PRKAR1A: variants seen among roughly 807,000 people sequenced by gnomAD.
PRKAR1A encodes protein kinase cAMP-dependent type I regulatory subunit alpha.
A neutral mutation model predicts 52.0 loss-of-function variants in PRKAR1A; 3 were observed. The ratio of observed to expected loss-of-function variants is 0.06; its 90% confidence interval spans 0.03 to 0.15. The LOEUF (loss-of-function observed/expected upper bound fraction) is 0.15, where lower values mean the gene tolerates loss of function less well. Ranked by LOEUF, PRKAR1A falls within the 10% of genes least tolerant of loss-of-function variation. The probability of loss-of-function intolerance (pLI) is 1.00; values close to 1 mark genes in which losing one functional copy is unlikely to be tolerated. For missense variants in PRKAR1A, 240 were observed against 477.4 expected (o/e 0.50, Z 4.63); for synonymous variants, 188 against 168.4 (o/e 1.12, Z -0.90).
chr17:68,531,486 C>A lies in PRKAR1A; in HGVS notation c.*1037C>A. The stretch of plus-strand genomic sequence containing the variant: ...GGAGAAATGCCAGGCGGACAAAGTT[C>A]AGTGTCGGGAATTTTCCCCGTGACA... On this transcript the variant is annotated 3_prime_UTR_variant, in exon 11 of 11. Transcript: ENST00000589228. 1 of 1,066,322 alleles carries A rather than the reference C, an allele frequency of 9.4e-7. No individual in the cohort carries two copies. The highest frequency in any genetic ancestry group is 1.1e-6 in the Non-Finnish European group (1 of 879,650). The allele number at this position is 1,066,322 out of a possible 1,614,324, so 66.1% of individuals were successfully genotyped here.
chr17:68,450,066 T>C, the PRKAR1A span, among the ~76,000 whole-genome samples: 1 of 152,158 alleles, frequency 6.6e-6, no homozygotes, highest in Non-Finnish European at 1.5e-5. Flanking sequence ...GGAAATCTGC[T>C]AACACCCCCA....
At chr17:68,492,910 C>T in the PRKAR1A span, among the ~76,000 whole-genome samples, 1 of 152,140 alleles carries the variant, frequency 6.6e-6, no homozygotes, top group Non-Finnish European at 1.5e-5. Flanking sequence ...TCCAGTCTGT[C>T]ATTGATGGAC....
the PRKAR1A span, among the ~76,000 whole-genome samples, chr17:68,437,016 A>ATGTGTG: frequency 0.012 from 1,681 of 144,636 alleles, 35 homozygotes; most frequent in African/African-American, 0.037. Flanking sequence ...ATATATATAT[A>ATGTGTG]TGTGTGTGTG....
the PRKAR1A span, among the ~76,000 whole-genome samples, chr17:68,489,388 T>C: frequency 9.9e-5 from 3 of 30,170 alleles, no homozygotes; most frequent in Admixed American, 5.0e-4. Context: ...GGAAAGTATA[T>C]ATATATATGG....
intron 1 of PRKAR1A, among the ~76,000 whole-genome samples, chr17:68,514,357 G>A (rs1219726938): frequency 1.3e-5 from 2 of 152,190 alleles, no homozygotes; most frequent in East Asian, 3.8e-4. Context: ...TTCAGTTGCT[G>A]AGTGGAGGGG....
upstream of PRKAR1A, among the ~76,000 whole-genome samples, chr17:68,507,430 C>A (rs2085211101): frequency 6.6e-6 from 1 of 152,100 alleles, no homozygotes; most frequent in African/African-American, 2.4e-5. Context: ...TTCTCACTTA[C>A]AAGTGGGAGC....
chr17:68,461,245 C>A, the PRKAR1A span, among the ~76,000 whole-genome samples: 2 of 152,064 alleles, frequency 1.3e-5, no homozygotes, highest in Non-Finnish European at 2.9e-5. This position sits in a 1 kb window ranked among gnomAD's most constrained non-coding sequence, Gnocchi z 4.6. Flanking sequence ...AAAACTTACT[C>A]GTAAGTAACT....
chr17:68,513,713 C>T (rs2085343376), intron 1 of PRKAR1A, among the ~76,000 whole-genome samples: 1 of 152,210 alleles, frequency 6.6e-6, no homozygotes. Flanking sequence ...TACATGGTGA[C>T]TGCATTAATT....
chr17:68,487,931 A>C, the PRKAR1A span, among the ~76,000 whole-genome samples: 12 of 152,190 alleles, frequency 7.9e-5, no homozygotes, highest in South Asian at 4.2e-4. Context: ...ATGAAAAAAA[A>C]CTCAAAAATA....
intron 6 of PRKAR1A, 113 bp downstream of exon 6, chr17:68,525,071 T>G: frequency 1.2e-6 from 1 of 845,128 alleles, no homozygotes; most frequent in African/African-American, 1.7e-5. Context: ...GTATGTCAGA[T>G]TTTATTAATA....
chr17:68,448,342 G>T, the PRKAR1A span: 1 of 152,350 alleles, frequency 6.6e-6, no homozygotes, highest in Non-Finnish European at 1.5e-5. Context: ...GAAATGTAAA[G>T]GAAGGGAGAA....
At chr17:68,528,094 CATT>C (rs1299411322) in intron 8 of PRKAR1A, among the ~76,000 whole-genome samples, 194 bp downstream of exon 8, 1 of 152,152 alleles carries the variant, frequency 6.6e-6, no homozygotes, top group African/African-American at 2.4e-5. Flanking sequence ...CTTGTTCCAT[CATT>C]GAGTTGATTG....
intron 11 of PRKAR1A, chr17:68,540,950 ACCTC>A (rs1358751504): frequency 6.3e-7 from 1 of 1,586,838 alleles, no homozygotes; most frequent in Non-Finnish European, 8.6e-7. Flanking sequence ...AAGGGGATTG[ACCTC>A]CCACCTGAGG....
the PRKAR1A span, among the ~76,000 whole-genome samples, chr17:68,431,443 G>A: frequency 1.3e-5 from 2 of 152,100 alleles, no homozygotes; most frequent in African/African-American, 4.8e-5. Context: ...AGGAGGTTCT[G>A]GGGGTGGTGG....
chr17:68,524,119 G>T, intron 5 of PRKAR1A, 42 bp downstream of exon 5: 1 of 1,601,454 alleles, frequency 6.2e-7, no homozygotes, highest in Non-Finnish European at 8.6e-7. Context: ...CGGGAGAGGA[G>T]GCGAGACTAG....
the PRKAR1A span, among the ~76,000 whole-genome samples, chr17:68,453,306 G>GA: frequency 1.3e-5 from 2 of 152,138 alleles, no homozygotes; most frequent in African/African-American, 2.4e-5. Flanking sequence ...CAGATAACAG[G>GA]AAAAATTGAA....
the PRKAR1A span, among the ~76,000 whole-genome samples, chr17:68,423,304 C>T: frequency 1.3e-5 from 2 of 152,282 alleles, no homozygotes; most frequent in East Asian, 3.9e-4. The surrounding 1 kb of genome is among the most constrained non-coding windows in gnomAD (Gnocchi z 4.4). Context: ...CTGAGATGGG[C>T]CATATTGATA....
intron 8 of PRKAR1A, 21 bp downstream of exon 8, chr17:68,527,921 A>T: frequency 6.3e-7 from 1 of 1,590,396 alleles, no homozygotes; most frequent in South Asian, 1.1e-5. Flanking sequence ...AAGTGTGTTA[A>T]CTTTGCTAGT....
chr17:68,511,598 C>T (rs904834666), upstream of PRKAR1A, among the ~76,000 whole-genome samples: 8 of 152,216 alleles, frequency 5.3e-5, no homozygotes, highest in Non-Finnish European at 1.2e-4. Flanking sequence ...TGGACCCTGA[C>T]AAAGTCCTTT....
Sources: allele counts gnomAD v4.1 joint callset (sites outside exome capture counted in the v4.1 genomes callset), GRCh38; gene constraint gnomAD v4.1.1; non-coding constraint Gnocchi (gnomAD v3.1); transcripts MANE v1.5; gene names NCBI Gene and HGNC (gene_info 2026-07-23, HGNC 2026-07-21).